STAU2: variants seen among roughly 807,000 people sequenced by gnomAD.
STAU2 encodes the protein staufen double-stranded RNA binding protein 2.
A neutral mutation model predicts 65.9 loss-of-function variants in STAU2; 20 were observed. The ratio of observed to expected loss-of-function variants is 0.30; its 90% CI spans 0.21 to 0.44. STAU2 has a LOEUF of 0.44. Ranked by LOEUF, STAU2 falls within the 20% of genes least tolerant of loss-of-function variation. The pLI is 1.00. For missense variants in STAU2, 558 were observed against 683.9 expected (o/e 0.82, Z 2.05); for synonymous variants, 232 against 233.9 (o/e 0.99, Z 0.07).
chr8:73,491,780 A>C (rs1393537857), intron 13 of STAU2, among the ~76,000 whole-genome samples: 1 of 152,000 alleles, frequency 6.6e-6, no homozygotes, highest in Non-Finnish European at 1.5e-5. Flanking sequence ...CAGAGCTTTA[A>C]GTGATTTGCC....
intron 5 of STAU2, among the ~76,000 whole-genome samples, chr8:73,676,411 A>G (rs947498441): frequency 2.0e-5 from 3 of 152,320 alleles, no homozygotes; most frequent in Admixed American, 6.5e-5. Context: ...ATTAAACTCG[A>G]TTCCTGACAG....
At chr8:73,677,010 C>T (rs1818071617) in intron 5 of STAU2, among the ~76,000 whole-genome samples, 1 of 152,040 alleles carries the variant, frequency 6.6e-6, no homozygotes, top group South Asian at 2.1e-4. Context: ...ACCCTGTAAG[C>T]CAGTAAAAAG....
intron 6 of STAU2, chr8:73,670,585 T>C (rs1051526429): frequency 6.6e-6 from 1 of 152,152 alleles, no homozygotes; most frequent in Non-Finnish European, 1.5e-5. Context: ...TCTAATACAG[T>C]GTGCAAATTC....
At chr8:73,460,790 T>C (rs2128899555) in intron 13 of STAU2, among the ~76,000 whole-genome samples, 1 of 152,312 alleles carries the variant, frequency 6.6e-6, no homozygotes. Flanking sequence ...CAAACCAAAG[T>C]CACAAGGAGC....
intron 3 of STAU2, among the ~76,000 whole-genome samples, chr8:73,718,708 T>TTTAA (rs1821430579): frequency 6.6e-6 from 1 of 152,370 alleles, no homozygotes; most frequent in Admixed American, 6.5e-5. Context: ...TCAGGTATCC[T>TTTAA]TTAATTTCTT....
chr8:73,747,388 T>A (rs1187903464), upstream of STAU2: 1 of 1,535,182 alleles, frequency 6.5e-7, no homozygotes, highest in East Asian at 2.4e-5. Context: ...CGCTCGTACC[T>A]TTCCCAGGCT....
intron 12 of STAU2, among the ~76,000 whole-genome samples, chr8:73,578,995 A>T (rs1387724030): frequency 3.7e-5 from 1 of 26,724 alleles, no homozygotes; most frequent in African/African-American, 1.5e-4. Context: ...CCACCCCCCC[A>T]AAAAAACCAA....
chr8:73,712,013 T>G (rs530681764), intron 3 of STAU2, among the ~76,000 whole-genome samples: 1 of 152,262 alleles, frequency 6.6e-6, no homozygotes, highest in African/African-American at 2.4e-5. Flanking sequence ...AGCAATAACT[T>G]TTAAATTACA....
chr8:73,499,531 G>A (rs1821617757), intron 13 of STAU2, among the ~76,000 whole-genome samples: 1 of 151,834 alleles, frequency 6.6e-6, no homozygotes. Context: ...GAGGAAGTCT[G>A]AGCATAGGCC....
At chr8:73,583,399 G>A (rs1439365163) in intron 11 of STAU2, among the ~76,000 whole-genome samples, 8 of 152,032 alleles carry the variant, frequency 5.3e-5, no homozygotes, top group African/African-American at 9.7e-5. Context: ...ACCCACTTTG[G>A]CCTCCCAAAG....
chr8:73,608,259 A>T (rs769183037), intron 9 of STAU2, among the ~76,000 whole-genome samples: 1 of 152,154 alleles, frequency 6.6e-6, no homozygotes, highest in African/African-American at 2.4e-5. Context: ...GATGTCTGTG[A>T]GTTGGACAAA....
chr8:73,421,558 C>T, intron 14 of STAU2, 93 bp from the exon 15 acceptor site: 1 of 1,208,216 alleles, frequency 8.3e-7, no homozygotes, highest in East Asian at 2.6e-5. Flanking sequence ...ATTCAAAGGT[C>T]ACCACAAAAG....
intron 4 of STAU2, among the ~76,000 whole-genome samples, chr8:73,700,994 C>T (rs1310099043): frequency 6.6e-6 from 1 of 151,974 alleles, no homozygotes; most frequent in Non-Finnish European, 1.5e-5. Flanking sequence ...TCATTTTTGA[C>T]AATAGTGTCA....
chr8:73,622,044 C>A (rs1489794413), intron 6 of STAU2, among the ~76,000 whole-genome samples: 1 of 150,804 alleles, frequency 6.6e-6, no homozygotes, highest in Non-Finnish European at 1.5e-5. Context: ...GCAAGCTCCG[C>A]CTCCCGGGTT....
intron 8 of STAU2, among the ~76,000 whole-genome samples, chr8:73,614,423 A>T (rs141548727): frequency 2.9e-4 from 44 of 152,314 alleles, no homozygotes; most frequent in African/African-American, 9.9e-4. Context: ...TCTCAAAAAC[A>T]GTCAATGGAT....
At chr8:73,669,276 CATAAA>C (rs1316085897) in intron 6 of STAU2, among the ~76,000 whole-genome samples, 3 of 152,056 alleles carry the variant, frequency 2.0e-5, no homozygotes, top group African/African-American at 7.2e-5. Flanking sequence ...TGCAGAATAT[CATAAA>C]ATAAAGACAC....
At chr8:73,597,058 T>TAA (rs1811237238) in intron 10 of STAU2, among the ~76,000 whole-genome samples, 1 of 151,828 alleles carries the variant, frequency 6.6e-6, no homozygotes, top group South Asian at 2.1e-4. Flanking sequence ...AGTAATGAGC[T>TAA]AAACATCCAC....
intron 6 of STAU2, among the ~76,000 whole-genome samples, chr8:73,644,687 T>C (rs1815241852): frequency 6.6e-6 from 1 of 151,922 alleles, no homozygotes. Flanking sequence ...ATAATAAAAC[T>C]GACAAACTTC....
At chr8:73,641,892 C>T (rs1469792106) in intron 6 of STAU2, among the ~76,000 whole-genome samples, 1 of 152,150 alleles carries the variant, frequency 6.6e-6, no homozygotes, top group Non-Finnish European at 1.5e-5. Context: ...TTTGTGAAAG[C>T]TGTTCAACTA....
Sources: gnomAD v4.1 joint callset for allele counts (sites outside exome capture counted in the v4.1 genomes callset) on GRCh38, gnomAD v4.1.1 for gene constraint, MANE v1.5 for transcripts, NCBI Gene and HGNC (gene_info 2026-07-23, HGNC 2026-07-21) for gene names.